Variants in KCNK12 observed in about 807,000 individuals in gnomAD.
The protein encoded by KCNK12 is potassium two pore domain channel subfamily K member 12.
In KCNK12, 6 loss-of-function variants were observed where a neutral mutation model predicts 25.3. The observed-to-expected ratio is 0.24, with a 90% CI of 0.13 to 0.47. The LOEUF is 0.47. KCNK12 is among the 20% of genes least tolerant of loss of function. KCNK12 has a pLI of 0.99. For missense variants in KCNK12, 444 were observed against 661.7 expected, an observed-to-expected ratio of 0.67 and a Z score of 3.61; for synonymous variants, 331 against 311.1, an observed-to-expected ratio of 1.06 and a Z score of -0.67.
chr2:47,509,839 C>G lies in KCNK12; in HGVS notation c.*11068G>C, dbSNP rs933293165. On this transcript the variant is annotated 3_prime_UTR_variant, in exon 2 of 2. Transcript: ENST00000327876. ...GGCCAGGGGACTTCCCCCCCACTCC[C>G]CAACCTGAGGCATGCACCCTCCCTT... 6.6e-6 allele frequency among the ~76,000 whole-genome samples: 1 copy of G among 152,214 alleles called. No individual in the cohort carries two copies. Among genetic ancestry groups the G allele is most frequent in the African/African-American group, 2.4e-5 (1 of 41,464 alleles).
rs902993245 is a variant in KCNK12, at chr2:47,517,530, C to G, written c.*3377G>C. 1.3e-5 allele frequency: 2 copies of G among 152,096 alleles called. No homozygotes were observed. Among genetic ancestry groups the G allele is most frequent in the Non-Finnish European group, 2.9e-5 (2 of 68,042 alleles). The allele number at this position is 152,096 out of a possible 1,614,324, so 9.4% of individuals were successfully genotyped here. ...CTTCTTAAAGTGGCCCAGACTGAGA[C>G]TTTTCCTTGGGGAAAAGGGTTAGTA... On this transcript the variant is annotated 3_prime_UTR_variant, in exon 2 of 2. Transcript: ENST00000327876. The surrounding 1 kb of genome is among the most constrained non-coding windows in gnomAD (Gnocchi z 4.1).
At chr2:47,526,400 C>T (rs1228683694) in intron 1 of KCNK12, among the ~76,000 whole-genome samples, 1 of 136,114 alleles carries the variant, frequency 7.3e-6, no homozygotes, top group East Asian at 2.5e-4. Context: ...AGTGAGACTC[C>T]CTCAGAAAAA....
chr2:47,530,964 T>C lies in KCNK12; in HGVS notation c.392-9156A>G, dbSNP rs147410788. Among the ~76,000 whole-genome samples the C allele has an allele frequency of 3.4e-3, 519 of 152,252 alleles. 2 individuals are homozygous for C. The highest frequency in any genetic ancestry group is 0.012 in the African/African-American group (491 of 41,544). ...GCTTGCAATGTGATAAAGCAGCAAA[T>C]GTACAAGAGTTTGGAAGAAGGAGAG... On this transcript the variant is annotated intron_variant, in intron 1 of 1. Transcript: ENST00000327876.
chr2:47,570,406 G>A lies in KCNK12; in HGVS notation c.-75C>T, dbSNP rs542179683. The A allele has an allele frequency of 8.6e-4, 1,034 of 1,203,826 alleles. 2 individuals carry two copies. The highest frequency in any genetic ancestry group is 3.4e-3 in the South Asian group (86 of 25,152). 74.6% of individuals were successfully genotyped at this position (1,203,826 alleles called of 1,614,324 possible). A position where few individuals can be genotyped will look rare whatever the true frequency, so the allele number is the denominator to read the frequency against. The stretch of plus-strand genomic sequence containing the variant: ...CGACATCCCCCCGGCGGGAGCAGGA[G>A]CGTGAGGATGGTGGCCAGGGGTCCG... On this transcript the variant is annotated 5_prime_UTR_variant, in exon 1 of 2. Coordinates refer to ENST00000327876, the MANE Select transcript of KCNK12 (RefSeq NM_022055.2).
In KCNK12 at chr2:47,510,118, G is replaced by A. The variant is rs987556985; in HGVS notation, c.*10789C>T. 2.6e-5 allele frequency: 4 copies of A among 152,138 alleles called. No individual in the cohort carries two copies. The highest frequency in any genetic ancestry group is 1.9e-4 in the East Asian group (1 of 5,194). 9.4% of individuals were successfully genotyped at this position (152,138 alleles called of 1,614,324 possible). ...GGGAGGTCTAGGAAAAGTCCTGTTG[G>A]GAGAGAGCATTTTTTACCTTCTCCC... On this transcript the variant is annotated 3_prime_UTR_variant, in exon 2 of 2. Coordinates refer to ENST00000327876, the MANE Select transcript of KCNK12 (RefSeq NM_022055.2).
chr2:47,530,972 A>C lies in KCNK12; in HGVS notation c.392-9164T>G, dbSNP rs1052932659. Among the ~76,000 whole-genome samples, 6 of 152,318 alleles carry C rather than the reference A, an allele frequency of 3.9e-5. No individual in the cohort carries two copies. The Middle Eastern group carries it at 0.014, about 345-fold the overall frequency. On this transcript the variant is annotated intron_variant, in intron 1 of 1. Transcript: ENST00000327876. ...TGTGATAAAGCAGCAAATGTACAAG[A>C]GTTTGGAAGAAGGAGAGGTAGGTTG...
chr2:47,547,617 A>T lies in KCNK12; in HGVS notation c.391+22324T>A, dbSNP rs1049099082. ...TTATTTATTTATTTATTTACTTTTG[A>T]GATGGAGTCTCATTCTGTCACCCAG... On this transcript the variant is annotated intron_variant, in intron 1 of 1. Transcript: ENST00000327876. The surrounding 1 kb of genome is among the most constrained non-coding windows in gnomAD (Gnocchi z 5.0). 1.3e-5 allele frequency among the ~76,000 whole-genome samples: 2 copies of T among 151,698 alleles called. No individual in the cohort carries two copies.
chr2:47,542,829 C>T (rs1160060202), intron 1 of KCNK12, among the ~76,000 whole-genome samples: 1 of 152,224 alleles, frequency 6.6e-6, no homozygotes, highest in African/African-American at 2.4e-5. Flanking sequence ...GACAGGTTTT[C>T]ATCACTGGCT....
At chr2:47,549,819 A>G (rs1428081946) in intron 1 of KCNK12, among the ~76,000 whole-genome samples, 1 of 152,138 alleles carries the variant, frequency 6.6e-6, no homozygotes, top group Non-Finnish European at 1.5e-5. Flanking sequence ...CTGTAATTCT[A>G]GCTACTCAGG....
Position 47,511,547 on chromosome 2 carries a change from G to A in KCNK12, c.*9360C>T, listed in dbSNP as rs1166220504. Among the ~76,000 whole-genome samples the A allele has an allele frequency of 6.6e-5, 10 of 152,290 alleles. No homozygotes were observed. The highest frequency in any genetic ancestry group is 3.4e-3 in the Middle Eastern group (1 of 294). The stretch of plus-strand genomic sequence containing the variant: ...ATGCCCACAGTGCATGACGTTACCC[G>A]CACAGGTGTGACATCACAGGGTAAC... On this transcript the variant is annotated 3_prime_UTR_variant, in exon 2 of 2. Transcript: ENST00000327876. The surrounding 1 kb of genome is among the most constrained non-coding windows in gnomAD (Gnocchi z 4.3).
At position 47,514,326 on chromosome 2, in the gene KCNK12, T is replaced by C. The variant is rs1026593794; in HGVS notation, c.*6581A>G. Among the ~76,000 whole-genome samples the C allele has an allele frequency of 1.3e-5, 2 of 152,344 alleles. No individual in the cohort carries two copies. Among genetic ancestry groups the C allele is most frequent in the South Asian group, 4.1e-4 (2 of 4,834 alleles). ...TGGACAGGGAGCCCTCAGCAGGCCG[T>C]ACTGCAGCGCCCTGCCCCCGTCAGC... is the stretch of plus-strand genomic sequence containing the variant. On this transcript the variant is annotated 3_prime_UTR_variant, in exon 2 of 2. Coordinates refer to ENST00000327876, the MANE Select transcript of KCNK12 (RefSeq NM_022055.2). The surrounding 1 kb of genome is among the most constrained non-coding windows in gnomAD (Gnocchi z 5.0).
intron 1 of KCNK12, among the ~76,000 whole-genome samples, chr2:47,549,888 C>T (rs375126086): frequency 2.6e-5 from 4 of 151,316 alleles, no homozygotes; most frequent in South Asian, 2.1e-4. Flanking sequence ...GAGCTGAGAT[C>T]GCACCACTGC....
intron 1 of KCNK12, among the ~76,000 whole-genome samples, chr2:47,530,909 C>T (rs1003336058): frequency 4.6e-5 from 7 of 152,174 alleles, no homozygotes; most frequent in Non-Finnish European, 8.8e-5. Context: ...AAAGCAAGCA[C>T]ATGGCAGAGA....
intron 1 of KCNK12, among the ~76,000 whole-genome samples, chr2:47,536,513 TAACTC>T (rs1326390574): frequency 6.6e-6 from 1 of 152,212 alleles, no homozygotes; most frequent in Non-Finnish European, 1.5e-5. Context: ...TAGTTTCAGT[TAACTC>T]AACATGTTTT....
intron 1 of KCNK12, among the ~76,000 whole-genome samples, chr2:47,524,026 C>T (rs1668716794): frequency 6.6e-6 from 1 of 152,136 alleles, no homozygotes; most frequent in Admixed American, 6.5e-5. Context: ...GAAGGAAATG[C>T]CCAGTTGCCC....
rs185270930 is a variant in KCNK12, at chr2:47,513,776, G to T, written c.*7131C>A. On this transcript the variant is annotated 3_prime_UTR_variant, in exon 2 of 2. Transcript: ENST00000327876. ...GCTGCTTAGCCTGAGACCTGGCTCC[G>T]TCCCAATTCCTCTCTCTCAGTCTTA... 2.0e-5 allele frequency among the ~76,000 whole-genome samples: 3 copies of T among 152,202 alleles called. No individual in the cohort carries two copies. Among genetic ancestry groups the T allele is most frequent in the African/African-American group, 7.2e-5 (3 of 41,510 alleles).
intron 1 of KCNK12, among the ~76,000 whole-genome samples, chr2:47,553,015 A>G (rs1039021590): frequency 6.6e-6 from 1 of 152,068 alleles, no homozygotes; most frequent in Non-Finnish European, 1.5e-5. Context: ...CCCAGTTCCT[A>G]TCCCTAGTCC....
intron 1 of KCNK12, among the ~76,000 whole-genome samples, chr2:47,530,275 G>A (rs1668889271): frequency 6.6e-6 from 1 of 152,196 alleles, no homozygotes; most frequent in African/African-American, 2.4e-5. Flanking sequence ...GCCTCTCTGG[G>A]AGTAGGAGTG....
At chr2:47,521,850 G>C (rs754731480) in intron 1 of KCNK12, 42 bp from the exon 2 acceptor site, 1 of 1,468,730 alleles carries the variant, frequency 6.8e-7, no homozygotes, top group East Asian at 2.5e-5. Flanking sequence ...TGGCCGCGCA[G>C]GTGGTCCTCA....
Sources: gnomAD v4.1 joint callset for allele counts (sites outside exome capture counted in the v4.1 genomes callset) on GRCh38, gnomAD v4.1.1 for gene constraint, Gnocchi (gnomAD v3.1) non-coding constraint, MANE v1.5 for transcripts, NCBI Gene and HGNC (gene_info 2026-07-23, HGNC 2026-07-21) for gene names.